UTS2: variants seen among roughly 807,000 people sequenced by gnomAD.
UTS2 encodes urotensin 2, also known as urotensin-2.
A neutral mutation model predicts 12.6 loss-of-function variants in UTS2; 10 were observed. The observed-to-expected ratio is 0.80, with a 90% CI of 0.49 to 1.35. The LOEUF (loss-of-function observed/expected upper bound fraction) is 1.35, where lower values mean the gene tolerates loss of function less well. Ranked by LOEUF, UTS2 falls within the 40% of genes most tolerant of loss-of-function variation. The pLI is 0.00. For missense variants in UTS2, 142 were observed against 143.2 expected, an observed-to-expected ratio of 0.99 and a Z score of 0.04; for synonymous variants, 52 against 50.0, an observed-to-expected ratio of 1.04 and a Z score of -0.17.
chr1:7,874,373 G>C, the UTS2 span, among the ~76,000 whole-genome samples: 1 of 152,152 alleles, frequency 6.6e-6, no homozygotes, highest in Non-Finnish European at 1.5e-5. Flanking sequence ...ACCATTTTGA[G>C]AGCCCACCCC....
At chr1:7,874,827 C>A in the UTS2 span, among the ~76,000 whole-genome samples, 13,280 of 152,192 alleles carry the variant, frequency 0.087, 1,393 homozygotes, top group East Asian at 0.46. Context: ...ATGTTGTTCT[C>A]ATGATAGTGA....
chr1:7,873,974 C>CAG, the UTS2 span, among the ~76,000 whole-genome samples: 2 of 151,728 alleles, frequency 1.3e-5, no homozygotes, highest in Non-Finnish European at 2.9e-5. Flanking sequence ...AGATGGTGAC[C>CAG]AGAGGCATCC....
At chr1:7,875,161 G>A in the UTS2 span, among the ~76,000 whole-genome samples, 5 of 151,234 alleles carry the variant, frequency 3.3e-5, no homozygotes, top group Non-Finnish European at 5.9e-5. Flanking sequence ...TGCAAGCTCC[G>A]CCTCCCAGGT....
intron 3 of UTS2, 126 bp from the exon 4 acceptor site, chr1:7,848,008 T>A: frequency 1.4e-6 from 1 of 697,358 alleles, no homozygotes; most frequent in Non-Finnish European, 2.4e-6. Flanking sequence ...TTTGCATTTT[T>A]CCCTGGACTA....
At chr1:7,862,945 G>A in the UTS2 span, among the ~76,000 whole-genome samples, 2 of 151,686 alleles carry the variant, frequency 1.3e-5, no homozygotes, top group Admixed American at 6.6e-5. Flanking sequence ...AGGCGATAAC[G>A]TTTCCAATAA....
chr1:7,893,154 G>A, the UTS2 span, among the ~76,000 whole-genome samples: 1 of 152,000 alleles, frequency 6.6e-6, no homozygotes, highest in Non-Finnish European at 1.5e-5. Context: ...TCTCTCTTTT[G>A]GACAGTTTGT....
the UTS2 span, among the ~76,000 whole-genome samples, chr1:7,882,886 G>A: frequency 6.6e-6 from 1 of 152,196 alleles, no homozygotes; most frequent in East Asian, 1.9e-4. Flanking sequence ...CAATTCGAAT[G>A]GCTATTATCA....
the UTS2 span, among the ~76,000 whole-genome samples, chr1:7,872,514 A>G: frequency 1.3e-5 from 2 of 152,108 alleles, no homozygotes; most frequent in African/African-American, 4.8e-5. Flanking sequence ...CTTCTTGCTG[A>G]TATGGAGAAA....
upstream of UTS2, among the ~76,000 whole-genome samples, chr1:7,855,456 C>T (rs1372568997): frequency 4.0e-5 from 6 of 150,896 alleles, no homozygotes; most frequent in African/African-American, 1.5e-4. Flanking sequence ...TGGTGGCGGG[C>T]CCCTGTAGTC....
the UTS2 span, among the ~76,000 whole-genome samples, chr1:7,859,670 G>T: frequency 6.6e-6 from 1 of 152,206 alleles, no homozygotes; most frequent in Non-Finnish European, 1.5e-5. Context: ...GCTATGTCAC[G>T]TGACCATATC....
chr1:7,865,833 G>A, the UTS2 span, among the ~76,000 whole-genome samples: 4 of 152,208 alleles, frequency 2.6e-5, no homozygotes, highest in South Asian at 2.1e-4. Flanking sequence ...CTACTCGGGA[G>A]GCTGAGGTGG....
chr1:7,847,721 C>T lies in UTS2; in HGVS notation c.*45G>A. On this transcript the variant is annotated 3_prime_UTR_variant, in exon 4 of 4. Transcript: ENST00000361696. ...CAAGCATTGTGTTATTTTTCATATT[C>T]TAAGATGGGTGTTTCTGAGCTGACT... The T allele has an allele frequency of 6.9e-7, 1 of 1,439,912 alleles. No individual in the cohort carries two copies. Among genetic ancestry groups the T allele is most frequent in the South Asian group, 1.2e-5 (1 of 83,778 alleles). The allele number at this position is 1,439,912 out of a possible 1,614,324, so 89.2% of individuals were successfully genotyped here. A position where few individuals can be genotyped will look rare whatever the true frequency, so the allele number is the denominator to read the frequency against.
the UTS2 span, among the ~76,000 whole-genome samples, chr1:7,860,662 T>TG: frequency 1 from 152,099 of 152,100 alleles, 76,049 homozygotes; most frequent in Non-Finnish European, 1. Context: ...CTCAAATGCC[T>TG]GGCTCAAGCC....
chr1:7,904,324 A>T, the UTS2 span, among the ~76,000 whole-genome samples: 13 of 139,652 alleles, frequency 9.3e-5, no homozygotes, highest in South Asian at 4.7e-4. Flanking sequence ...AAAAAAAAAA[A>T]TAATAAGCTG....
the UTS2 span, among the ~76,000 whole-genome samples, chr1:7,870,437 G>A: frequency 3.2e-4 from 48 of 152,150 alleles, no homozygotes; most frequent in East Asian, 1.7e-3. Context: ...CCTCTCAGTC[G>A]GTTAGTTTGT....
At chr1:7,848,570 G>C (rs2097410301) in intron 3 of UTS2, among the ~76,000 whole-genome samples, 1 of 152,096 alleles carries the variant, frequency 6.6e-6, no homozygotes, top group African/African-American at 2.4e-5. Flanking sequence ...CCCCGGGCTG[G>C]AGTGAAGTAG....
upstream of UTS2, among the ~76,000 whole-genome samples, chr1:7,858,088 C>T (rs1296689792): frequency 6.6e-6 from 1 of 152,096 alleles, no homozygotes; most frequent in Admixed American, 6.6e-5. Context: ...TTTGTCATTC[C>T]CTGGTGACTC....
chr1:7,875,056 T>TTTTTTTTTCTTTA, the UTS2 span, among the ~76,000 whole-genome samples: 1 of 12,686 alleles, frequency 7.9e-5, no homozygotes, highest in African/African-American at 9.3e-4. Context: ...TTTTTCTTTA[T>TTTTTTTTTCTTTA]TTTTTTTTTC....
intron 3 of UTS2, among the ~76,000 whole-genome samples, 154 bp downstream of exon 3, chr1:7,849,486 C>T (rs568571314): frequency 6.6e-6 from 1 of 152,256 alleles, no homozygotes; most frequent in South Asian, 2.1e-4. Context: ...GCTGGGATCA[C>T]AGGCATGAGC....
Sources: allele counts gnomAD v4.1 joint callset (sites outside exome capture counted in the v4.1 genomes callset), GRCh38; gene constraint gnomAD v4.1.1; transcripts MANE v1.5; gene names NCBI Gene and HGNC (gene_info 2026-07-23, HGNC 2026-07-21).